Variants in SKAP1 observed in about 807,000 individuals in gnomAD.
The protein encoded by SKAP1 is src kinase-associated phosphoprotein 1.
A neutral mutation model predicts 58.5 loss-of-function variants in SKAP1; 44 were observed. The ratio of observed to expected loss-of-function variants is 0.75; its 90% CI spans 0.59 to 0.97. The LOEUF (loss-of-function observed/expected upper bound fraction) is 0.97, where lower values mean the gene tolerates loss of function less well. SKAP1 is among the 50% of genes least tolerant of loss of function. The pLI is 0.00. For missense variants in SKAP1, 390 were observed against 435.2 expected (o/e 0.90, Z 0.92); for synonymous variants, 127 against 149.7 (o/e 0.85, Z 1.11).
At chr17:48,428,027 G>A (rs368772392) in intron 1 of SKAP1, among the ~76,000 whole-genome samples, 2 of 152,142 alleles carry the variant, frequency 1.3e-5, no homozygotes, top group Non-Finnish European at 2.9e-5. Context: ...CTACACCAGC[G>A]ACTGTGTTCC....
intron 4 of SKAP1, among the ~76,000 whole-genome samples, chr17:48,270,437 G>C (rs868171067): frequency 6.6e-6 from 1 of 152,008 alleles, no homozygotes; most frequent in East Asian, 1.9e-4. Context: ...TCCACCTCCC[G>C]GGTTCAAGCG....
intron 4 of SKAP1, among the ~76,000 whole-genome samples, chr17:48,335,793 T>C (rs1211739595): frequency 1.3e-5 from 2 of 152,104 alleles, no homozygotes. Flanking sequence ...ACCCTCAAGA[T>C]TATAGTTTTA....
At chr17:48,203,021 T>C (rs1172636192) in intron 4 of SKAP1, among the ~76,000 whole-genome samples, 1 of 152,158 alleles carries the variant, frequency 6.6e-6, no homozygotes, top group Non-Finnish European at 1.5e-5. Context: ...CACTGAACAT[T>C]ATGAACATTA....
At chr17:48,216,314 A>C (rs2064938340) in intron 4 of SKAP1, among the ~76,000 whole-genome samples, 1 of 152,218 alleles carries the variant, frequency 6.6e-6, no homozygotes, top group Non-Finnish European at 1.5e-5. Flanking sequence ...CAAGACTCTG[A>C]ATAGAGAGCT....
At chr17:48,242,506 CTA>C (rs1436320353) in intron 4 of SKAP1, among the ~76,000 whole-genome samples, 2 of 152,174 alleles carry the variant, frequency 1.3e-5, no homozygotes, top group Admixed American at 1.3e-4. Flanking sequence ...CAACCAAAAA[CTA>C]TGAGTTTATA....
chr17:48,427,371 T>G (rs930088590), intron 1 of SKAP1, among the ~76,000 whole-genome samples: 1 of 152,176 alleles, frequency 6.6e-6, no homozygotes, highest in African/African-American at 2.4e-5. Flanking sequence ...AAATGTCCCA[T>G]AATTCATTCA....
At chr17:48,383,056 T>C (rs1036309304) in intron 2 of SKAP1, among the ~76,000 whole-genome samples, 6 of 152,218 alleles carry the variant, frequency 3.9e-5, no homozygotes, top group Non-Finnish European at 7.3e-5. Context: ...TCTGACACTG[T>C]CTTGATCACC....
At chr17:48,220,346 T>C (rs1444117344) in intron 4 of SKAP1, among the ~76,000 whole-genome samples, 2 of 152,194 alleles carry the variant, frequency 1.3e-5, no homozygotes, top group Non-Finnish European at 2.9e-5. Flanking sequence ...AAGGAAATAC[T>C]ATATAGTAAT....
chr17:48,377,785 A>G (rs994775474), intron 2 of SKAP1, among the ~76,000 whole-genome samples: 2 of 152,174 alleles, frequency 1.3e-5, no homozygotes, highest in African/African-American at 4.8e-5. Context: ...GATAGGTAAT[A>G]GAGCTCAGGC....
At chr17:48,300,508 G>C (rs2066043405) in intron 4 of SKAP1, among the ~76,000 whole-genome samples, 1 of 152,184 alleles carries the variant, frequency 6.6e-6, no homozygotes, top group Non-Finnish European at 1.5e-5. Context: ...CAAAGGGATA[G>C]ACAGCTCAGT....
At chr17:48,301,848 T>C (rs1317638838) in intron 4 of SKAP1, among the ~76,000 whole-genome samples, 5 of 152,176 alleles carry the variant, frequency 3.3e-5, no homozygotes, top group African/African-American at 1.2e-4. Flanking sequence ...TTAGGAACCT[T>C]GCAGTAGTCT....
chr17:48,370,148 A>G (rs1163778309), intron 2 of SKAP1, among the ~76,000 whole-genome samples: 1 of 152,194 alleles, frequency 6.6e-6, no homozygotes, highest in African/African-American at 2.4e-5. Flanking sequence ...TCGGACAAGT[A>G]AAAAACAACG....
At chr17:48,139,582 A>G (rs2063744205) in intron 11 of SKAP1, among the ~76,000 whole-genome samples, 1 of 152,208 alleles carries the variant, frequency 6.6e-6, no homozygotes, top group East Asian at 1.9e-4. Flanking sequence ...GTTGCTGAGT[A>G]CTATTAGGAA....
chr17:48,210,550 G>A (rs1360938814), intron 4 of SKAP1, among the ~76,000 whole-genome samples: 2 of 152,100 alleles, frequency 1.3e-5, no homozygotes, highest in African/African-American at 4.8e-5. Context: ...ACAAGCACGA[G>A]GGGCAAGAGA....
At chr17:48,332,794 A>G (rs991597238) in intron 4 of SKAP1, among the ~76,000 whole-genome samples, 1 of 152,226 alleles carries the variant, frequency 6.6e-6, no homozygotes, top group African/African-American at 2.4e-5. Flanking sequence ...TGGAATTTCA[A>G]TAATTCATTT....
At chr17:48,296,781 T>C (rs2065980086) in intron 4 of SKAP1, among the ~76,000 whole-genome samples, 1 of 151,846 alleles carries the variant, frequency 6.6e-6, no homozygotes, top group Non-Finnish European at 1.5e-5. Context: ...CAGAGAAAAA[T>C]AGAAAATATT....
intron 4 of SKAP1, among the ~76,000 whole-genome samples, chr17:48,257,039 G>A (rs2065431069): frequency 6.6e-6 from 1 of 151,894 alleles, no homozygotes; most frequent in Non-Finnish European, 1.5e-5. Flanking sequence ...ATGCAATAAA[G>A]AGATGAAAAA....
At chr17:48,390,222 T>C (rs1290332263) in intron 2 of SKAP1, among the ~76,000 whole-genome samples, 1 of 151,992 alleles carries the variant, frequency 6.6e-6, no homozygotes, top group Non-Finnish European at 1.5e-5. Context: ...ATCAGTAAGG[T>C]CCCAAGCCAC....
upstream of SKAP1, among the ~76,000 whole-genome samples, chr17:48,430,777 C>T (rs1224908301): frequency 6.6e-6 from 1 of 152,200 alleles, no homozygotes; most frequent in African/African-American, 2.4e-5. Context: ...CCAAACTGTG[C>T]TGTTCTCCCT....
Sources: gnomAD v4.1 joint callset for allele counts (sites outside exome capture counted in the v4.1 genomes callset) on GRCh38, gnomAD v4.1.1 for gene constraint, MANE v1.5 for transcripts, NCBI Gene and HGNC (gene_info 2026-07-23, HGNC 2026-07-21) for gene names.